Variants in STAG1 observed in about 807,000 individuals in gnomAD.
The protein encoded by STAG1 is STAG1 cohesin complex component.
STAG1 carries 26 observed loss-of-function variants against 170.9 expected under a neutral mutation model. That is an observed-to-expected ratio of 0.15 (90% CI 0.11 to 0.21). The LOEUF is 0.21. STAG1 is among the 10% of genes least tolerant of loss of function. The pLI is 1.00. For missense variants in STAG1, 964 were observed against 1,509.5 expected (o/e 0.64, Z 5.99); for synonymous variants, 514 against 497.7 (o/e 1.03, Z -0.44).
chr3:136,564,649 C>T (rs113409842), intron 5 of STAG1, among the ~76,000 whole-genome samples: 176 of 152,050 alleles, frequency 1.2e-3, no homozygotes, highest in African/African-American at 2.5e-3. Flanking sequence ...TATGCCCCTT[C>T]AACAAAAATG....
intron 6 of STAG1, among the ~76,000 whole-genome samples, chr3:136,536,303 T>A (rs1405450643): frequency 6.6e-6 from 1 of 152,038 alleles, no homozygotes; most frequent in Admixed American, 6.6e-5. Context: ...CAGTAAGAAA[T>A]CGATAATAAA....
intron 13 of STAG1, among the ~76,000 whole-genome samples, chr3:136,461,293 C>CTT (rs2089266421): frequency 6.6e-6 from 1 of 152,124 alleles, no homozygotes. Flanking sequence ...ACTTTCACCA[C>CTT]TTTTATACAA....
chr3:136,390,118 A>T (rs1049866314), intron 22 of STAG1, among the ~76,000 whole-genome samples: 1 of 152,008 alleles, frequency 6.6e-6, no homozygotes, highest in Non-Finnish European at 1.5e-5. Flanking sequence ...GGTGTGAGTC[A>T]CCACGCCCGG....
intron 1 of STAG1, among the ~76,000 whole-genome samples, chr3:136,655,096 A>G (rs995604913): frequency 6.6e-6 from 1 of 152,242 alleles, no homozygotes; most frequent in African/African-American, 2.4e-5. Context: ...ATTTCTCAGA[A>G]CAACATCGGC....
At chr3:136,384,249 G>C (rs961931754) in intron 22 of STAG1, among the ~76,000 whole-genome samples, 2 of 151,694 alleles carry the variant, frequency 1.3e-5, no homozygotes, top group Non-Finnish European at 2.9e-5. Flanking sequence ...TCAGGAGCTC[G>C]AGACCAGCCT....
At chr3:136,468,443 C>G (rs1459884161) in intron 12 of STAG1, among the ~76,000 whole-genome samples, 1 of 152,126 alleles carries the variant, frequency 6.6e-6, no homozygotes, top group East Asian at 1.9e-4. Flanking sequence ...TACACCCTCC[C>G]AAGACTAAAC....
intron 1 of STAG1, among the ~76,000 whole-genome samples, chr3:136,650,860 A>C (rs1941193927): frequency 6.6e-6 from 1 of 152,104 alleles, no homozygotes; most frequent in Non-Finnish European, 1.5e-5. Flanking sequence ...TGGTGGCCTA[A>C]AAAAGTGTCA....
intron 10 of STAG1, among the ~76,000 whole-genome samples, chr3:136,477,079 A>G (rs567705865): frequency 6.2e-4 from 95 of 152,292 alleles, no homozygotes; most frequent in African/African-American, 2.2e-3. Flanking sequence ...TCAAGACAAT[A>G]TTGTAACTAA....
chr3:136,744,363 T>C lies in STAG1; in HGVS notation c.-84+7832A>G, dbSNP rs559439434. ...ATACAAGGATTTCATTCATCAGGAA[T>C]ATAAAGACAGGAGTACAACTGCTGG... On this transcript the variant is annotated intron_variant, in intron 1 of 33. Transcript: ENST00000383202. Among the ~76,000 whole-genome samples, 29 of 152,290 alleles carry C rather than the reference T, an allele frequency of 1.9e-4. No homozygotes were observed. The South Asian group carries it at 6.0e-3, about 32-fold the overall frequency.
intron 1 of STAG1, among the ~76,000 whole-genome samples, chr3:136,722,193 C>A (rs1206695725): frequency 6.6e-6 from 1 of 151,518 alleles, no homozygotes; most frequent in Non-Finnish European, 1.5e-5. Flanking sequence ...CCAGCCTGGG[C>A]AACAGAGCAA....
intron 9 of STAG1, among the ~76,000 whole-genome samples, chr3:136,497,905 C>T (rs552093090): frequency 2.2e-4 from 33 of 148,104 alleles, no homozygotes; most frequent in African/African-American, 7.2e-4. Context: ...GAAAATATTA[C>T]AGCTAGGCCG....
chr3:136,519,906 T>C (rs1434189094), intron 7 of STAG1, among the ~76,000 whole-genome samples: 1 of 152,010 alleles, frequency 6.6e-6, no homozygotes, highest in Non-Finnish European at 1.5e-5. Flanking sequence ...TGAAAAAAGA[T>C]AAAATTGGGT....
intron 4 of STAG1, among the ~76,000 whole-genome samples, chr3:136,570,512 T>C (rs1202268017): frequency 2.6e-5 from 4 of 152,262 alleles, no homozygotes; most frequent in African/African-American, 9.6e-5. Flanking sequence ...ACACATTTGA[T>C]GAATGTAAAC....
intron 1 of STAG1, among the ~76,000 whole-genome samples, chr3:136,733,783 A>G (rs1292190373): frequency 6.6e-6 from 1 of 152,354 alleles, no homozygotes; most frequent in East Asian, 1.9e-4. Flanking sequence ...TAAAATGTTC[A>G]ACTTTTATAC....
At chr3:136,709,716 C>T (rs1229933289) in intron 1 of STAG1, among the ~76,000 whole-genome samples, 1 of 148,678 alleles carries the variant, frequency 6.7e-6, no homozygotes, top group African/African-American at 2.4e-5. Context: ...GCCTGGGCAA[C>T]AGAACAAGAC....
intron 25 of STAG1, among the ~76,000 whole-genome samples, chr3:136,363,707 TA>T (rs1358140538): frequency 1.3e-5 from 2 of 152,308 alleles, no homozygotes; most frequent in Admixed American, 6.5e-5. Context: ...CTAATACTAG[TA>T]AAACCAAAAA....
rs140647053 is a variant in STAG1, at chr3:136,595,179, T to TA, written c.297+9129dup. On this transcript the variant is annotated intron_variant, in intron 4 of 33. Transcript: ENST00000383202. ...AACTACTAAAGCAAAAAATATCACT[T>TA]AGACTACACAGCTTGAAAGTTCCAA... Among the ~76,000 whole-genome samples, 1,412 of 152,260 alleles carry TA rather than the reference T, an allele frequency of 9.3e-3. 4 individuals are homozygous for TA. Among genetic ancestry groups the TA allele is most frequent in the Non-Finnish European group, 0.016 (1,080 of 68,026 alleles).
chr3:136,457,379 G>A (rs1437625329), intron 13 of STAG1, among the ~76,000 whole-genome samples: 4 of 152,104 alleles, frequency 2.6e-5, no homozygotes. Context: ...ATAGTAAACT[G>A]TCACAGATAA....
intron 1 of STAG1, among the ~76,000 whole-genome samples, chr3:136,650,932 A>T (rs909418479): frequency 6.6e-6 from 1 of 152,144 alleles, no homozygotes; most frequent in African/African-American, 2.4e-5. Context: ...AAAAAAAAAA[A>T]AACAAGGAAG....
Sources: allele counts gnomAD v4.1 joint callset (sites outside exome capture counted in the v4.1 genomes callset), GRCh38; gene constraint gnomAD v4.1.1; transcripts MANE v1.5; gene names NCBI Gene and HGNC (gene_info 2026-07-23, HGNC 2026-07-21).